Variants in KCNQ5 observed in about 807,000 individuals in gnomAD.
KCNQ5 encodes potassium voltage-gated channel subfamily KQT member 5.
In KCNQ5, 30 loss-of-function variants were observed where a neutral mutation model predicts 98.2. That is an observed-to-expected ratio of 0.31 (90% confidence interval 0.23 to 0.41). The LOEUF is 0.41. KCNQ5 is among the 10% of genes least tolerant of loss of function. KCNQ5 has a pLI of 1.00. For missense variants in KCNQ5, 835 were observed against 1,182.5 expected (o/e 0.71, Z 4.31); for synonymous variants, 458 against 449.4 (o/e 1.02, Z -0.24).
intron 1 of KCNQ5, among the ~76,000 whole-genome samples, chr6:72,845,522 G>T (rs551307347): frequency 6.6e-6 from 1 of 152,300 alleles, no homozygotes; most frequent in East Asian, 1.9e-4. Flanking sequence ...TGAAGGTAAT[G>T]ATTATTATAT....
chr6:72,681,382 C>A (rs1054007926), intron 1 of KCNQ5, among the ~76,000 whole-genome samples: 4 of 152,140 alleles, frequency 2.6e-5, no homozygotes, highest in African/African-American at 7.2e-5. Flanking sequence ...AGCATCACAA[C>A]CCTCCTGGAT....
chr6:72,893,470 G>C (rs1779135280), intron 1 of KCNQ5, among the ~76,000 whole-genome samples: 1 of 152,170 alleles, frequency 6.6e-6, no homozygotes, highest in African/African-American at 2.4e-5. Context: ...CAGGGAGCGT[G>C]AGAGAAAATT....
rs1237231990 is a variant in KCNQ5 at position 73,133,326 on chromosome 6, A to G, written c.1248-95A>G. 4 of 1,025,874 alleles carry G rather than the reference A, an allele frequency of 3.9e-6. No individual in the cohort carries two copies. In the East Asian group the frequency reaches 1.0e-4, roughly 26 times the overall value. 63.5% of individuals were successfully genotyped at this position (1,025,874 alleles called of 1,614,324 possible). ...CGTGCTGAAAACATCTTGTCTATTG[A>G]AATATATGACCACATGAGCTTCATC... On this transcript the variant is annotated intron_variant, in intron 9 of 13. Coordinates refer to ENST00000370398, the MANE Select transcript of KCNQ5 (RefSeq NM_019842.4).
At chr6:72,700,778 C>T (rs550779922) in intron 1 of KCNQ5, among the ~76,000 whole-genome samples, 2 of 152,302 alleles carry the variant, frequency 1.3e-5, no homozygotes, top group South Asian at 4.1e-4. Flanking sequence ...CGGCACATTC[C>T]CAGCACAGCC....
intron 1 of KCNQ5, among the ~76,000 whole-genome samples, chr6:73,002,402 T>G (rs892008527): frequency 4.6e-5 from 7 of 152,322 alleles, no homozygotes; most frequent in Admixed American, 2.6e-4. Flanking sequence ...GAGCTACAAA[T>G]GTTAATTCTC....
intron 1 of KCNQ5, among the ~76,000 whole-genome samples, chr6:72,866,127 T>A (rs907711668): frequency 6.6e-6 from 1 of 152,072 alleles, no homozygotes; most frequent in East Asian, 1.9e-4. Flanking sequence ...GGTCACATAA[T>A]ATAAAATAGC....
chr6:72,790,414 G>T (rs908012828), intron 1 of KCNQ5, among the ~76,000 whole-genome samples: 1 of 152,076 alleles, frequency 6.6e-6, no homozygotes, highest in African/African-American at 2.4e-5. Context: ...GACAAACTTC[G>T]CATGTTCTCA....
chr6:73,134,192 T>C, intron 10 of KCNQ5: 1 of 257,726 alleles, frequency 3.9e-6, no homozygotes, highest in Non-Finnish European at 7.9e-6. Flanking sequence ...TAAGTAAAAT[T>C]CAAGTTCTTC....
chr6:72,830,573 A>T (rs1216745303), intron 1 of KCNQ5, among the ~76,000 whole-genome samples: 1 of 152,234 alleles, frequency 6.6e-6, no homozygotes, highest in Non-Finnish European at 1.5e-5. Context: ...CACCTTATAC[A>T]AAAATTAATT....
rs758357101 is a variant in KCNQ5 at position 73,003,894 on chromosome 6, T to C, written c.399-14T>C. On this transcript the variant is annotated splice_polypyrimidine_tract_variant and intron_variant, in intron 1 of 13. Coordinates refer to ENST00000370398, the MANE Select transcript of KCNQ5 (RefSeq NM_019842.4). ...TAAGGTTCTTATCAGATTTCTCTTT[T>C]TGTTGTTTTACAGTTTTCTCCTTGT... 3.8e-6 allele frequency: 6 copies of C among 1,564,650 alleles called. No individual in the cohort carries two copies. The highest frequency in any genetic ancestry group is 5.3e-6 in the Non-Finnish European group (6 of 1,136,132).
At chr6:72,819,638 C>G (rs17798693) in intron 1 of KCNQ5, among the ~76,000 whole-genome samples, 2 of 152,150 alleles carry the variant, frequency 1.3e-5, no homozygotes, top group Admixed American at 6.6e-5. Flanking sequence ...CATGCCCTTG[C>G]TCCAGGAAAA....
In KCNQ5 at chr6:72,622,065, G is replaced by A. The variant is rs930644254; in HGVS notation, c.-125G>A. 4 of 801,030 alleles carry A rather than the reference G, an allele frequency of 5.0e-6. No individual in the cohort carries two copies. Among genetic ancestry groups the A allele is most frequent in the East Asian group, 3.7e-5 (1 of 26,928 alleles). 49.6% of individuals were successfully genotyped at this position (801,030 alleles called of 1,614,324 possible). ...TGCCTGCTTCCCCGCCCCCGGCTCA[G>A]AGGTCTCTGGCTGGCGGGCGCCCCG... is the stretch of plus-strand genomic sequence containing the variant. On this transcript the variant is annotated 5_prime_UTR_variant, in exon 1 of 14. Transcript: ENST00000370398. The surrounding 1 kb of genome is among the most constrained non-coding windows in gnomAD (Gnocchi z 6.0).
chr6:72,956,672 T>C (rs149158905), intron 1 of KCNQ5, among the ~76,000 whole-genome samples: 3 of 151,840 alleles, frequency 2.0e-5, no homozygotes, highest in African/African-American at 7.2e-5. Flanking sequence ...TCCCAAAATG[T>C]TGAGATTACA....
At chr6:72,739,438 A>T (rs1771015875) in intron 1 of KCNQ5, among the ~76,000 whole-genome samples, 1 of 152,158 alleles carries the variant, frequency 6.6e-6, no homozygotes, top group South Asian at 2.1e-4. Context: ...ATTTTACCAC[A>T]TCCTGTTCTA....
intron 9 of KCNQ5, chr6:73,125,540 C>T: frequency 2.0e-6 from 1 of 511,882 alleles, no homozygotes; most frequent in Non-Finnish European, 3.9e-6. Flanking sequence ...TAAGTGGAGG[C>T]CAGTGTGGGC....
intron 3 of KCNQ5, among the ~76,000 whole-genome samples, chr6:73,051,044 T>G (rs1167555115): frequency 6.6e-6 from 1 of 152,260 alleles, no homozygotes; most frequent in Non-Finnish European, 1.5e-5. Context: ...TGTACATTCA[T>G]GTGTAGGTTT....
intron 2 of KCNQ5, among the ~76,000 whole-genome samples, chr6:73,011,143 T>C (rs141678594): frequency 1.3e-5 from 2 of 152,226 alleles, no homozygotes; most frequent in Admixed American, 1.3e-4. Flanking sequence ...CAGTAATCAA[T>C]CATGAGGTAG....
chr6:73,135,995 A>C (rs1488439945), intron 10 of KCNQ5: 1 of 152,214 alleles, frequency 6.6e-6, no homozygotes, highest in South Asian at 2.1e-4. Flanking sequence ...TAAAGACCCT[A>C]TCTCCAAACA....
intron 1 of KCNQ5, among the ~76,000 whole-genome samples, chr6:72,897,368 C>A (rs1484233504): frequency 6.6e-6 from 1 of 152,014 alleles, no homozygotes; most frequent in African/African-American, 2.4e-5. Context: ...GGTGAAACCC[C>A]ACCTCTACTA....
Sources: allele counts gnomAD v4.1 joint callset (sites outside exome capture counted in the v4.1 genomes callset), GRCh38; gene constraint gnomAD v4.1.1; non-coding constraint Gnocchi (gnomAD v3.1); transcripts MANE v1.5; gene names NCBI Gene and HGNC (gene_info 2026-07-23, HGNC 2026-07-21).